The following FHIT variants were observed in gnomAD, a reference collection of about 807,000 sequenced individuals.
FHIT encodes the protein fragile histidine triad diadenosine triphosphatase.
Under a neutral mutation model 17.9 loss-of-function variants are expected in FHIT, and 19 were observed. The observed-to-expected ratio is 1.06, with a 90% confidence interval of 0.74 to 1.56. FHIT has a LOEUF of 1.56. Among genes scored for constraint, FHIT ranks in the 40% most tolerant of loss-of-function variants. The pLI, the probability that FHIT is intolerant of heterozygous loss-of-function variation, is 0.00. For synonymous variants in FHIT, 81 were observed against 69.7 expected, an observed-to-expected ratio of 1.16 and a Z score of -0.81; for missense variants, 248 against 189.2, an observed-to-expected ratio of 1.31 and a Z score of -1.82.
At chr3:60,267,818 C>G (rs925540071) in intron 5 of FHIT, among the ~76,000 whole-genome samples, 1 of 152,108 alleles carries the variant, frequency 6.6e-6, no homozygotes, top group Non-Finnish European at 1.5e-5. Context: ...TACATGAATA[C>G]AAAACTATTT....
At chr3:60,345,512 G>C (rs748786065) in intron 5 of FHIT, among the ~76,000 whole-genome samples, 1 of 152,190 alleles carries the variant, frequency 6.6e-6, no homozygotes, top group East Asian at 1.9e-4. Context: ...AGCTCACAGA[G>C]AATGGATAAA....
chr3:60,151,270 G>A (rs1700450822), intron 5 of FHIT, among the ~76,000 whole-genome samples: 1 of 152,068 alleles, frequency 6.6e-6, no homozygotes, highest in Non-Finnish European at 1.5e-5. Flanking sequence ...CATGTGATAT[G>A]ACTTTATCAT....
intron 5 of FHIT, among the ~76,000 whole-genome samples, chr3:60,326,266 C>A (rs1709688240): frequency 6.6e-6 from 1 of 152,010 alleles, no homozygotes; most frequent in East Asian, 1.9e-4. Flanking sequence ...TACAACTCAC[C>A]ATAATGTAGA....
intron 2 of FHIT, among the ~76,000 whole-genome samples, chr3:61,153,356 A>C (rs2037449067): frequency 1.3e-5 from 2 of 152,206 alleles, no homozygotes; most frequent in Non-Finnish European, 2.9e-5. Flanking sequence ...AGAAACATTA[A>C]AATATGGAAA....
chr3:59,925,871 A>C (rs1705634915), intron 7 of FHIT, among the ~76,000 whole-genome samples: 1 of 152,246 alleles, frequency 6.6e-6, no homozygotes, highest in South Asian at 2.1e-4. Flanking sequence ...GCTGTGAAAA[A>C]ATACCATCAC....
intron 5 of FHIT, among the ~76,000 whole-genome samples, chr3:60,122,370 G>A (rs1053839944): frequency 6.6e-6 from 1 of 152,112 alleles, no homozygotes. Context: ...GGCCCTCAGG[G>A]AACATTTGAG....
intron 3 of FHIT, among the ~76,000 whole-genome samples, chr3:60,891,644 G>A (rs1037594930): frequency 1.3e-5 from 2 of 152,098 alleles, no homozygotes; most frequent in South Asian, 4.2e-4. Flanking sequence ...TTTTCATCTA[G>A]GCTGTTTTGA....
rs1202005745 is a variant in FHIT, at chr3:59,748,744, C to A, written c.*841G>T. On this transcript the variant is annotated 3_prime_UTR_variant, in exon 10 of 10. Transcript: ENST00000492590. ...GAGAATGGCCTTTAGGGTGGGACTGCCTGGATTCAAATCTGAGCTTTGCCA... is the reference window on the plus strand; with the variant it reads ...GAGAATGGCCTTTAGGGTGGGACTGACTGGATTCAAATCTGAGCTTTGCCA... 6.6e-6 allele frequency among the ~76,000 whole-genome samples: 1 copy of A among 151,954 alleles called. No individual in the cohort carries two copies. Among genetic ancestry groups the A allele is most frequent in the Non-Finnish European group, 1.5e-5 (1 of 67,976 alleles).
intron 5 of FHIT, among the ~76,000 whole-genome samples, chr3:60,298,142 G>A (rs1336045987): frequency 6.6e-6 from 1 of 152,046 alleles, no homozygotes; most frequent in African/African-American, 2.4e-5. Flanking sequence ...CACACGTTCT[G>A]TAAGCTGGAA....
chr3:59,817,509 G>A (rs1040318325), intron 8 of FHIT, among the ~76,000 whole-genome samples: 1 of 135,740 alleles, frequency 7.4e-6, no homozygotes, highest in African/African-American at 2.7e-5. Context: ...TGCATAATGA[G>A]TTCTGATCGT....
intron 5 of FHIT, among the ~76,000 whole-genome samples, chr3:60,135,748 G>C (rs367806116): frequency 6.6e-6 from 1 of 152,108 alleles, no homozygotes; most frequent in Middle Eastern, 3.2e-3. Context: ...TACCATGTCT[G>C]AAGCAACTTC....
intron 5 of FHIT, among the ~76,000 whole-genome samples, chr3:60,055,448 C>CTTT (rs4024133): frequency 1.0e-3 from 144 of 143,124 alleles, no homozygotes; most frequent in East Asian, 4.1e-3. Flanking sequence ...GATGGACTTT[C>CTTT]TTTTTTTTTT....
At chr3:60,400,117 T>C (rs1701604370) in intron 5 of FHIT, among the ~76,000 whole-genome samples, 1 of 152,138 alleles carries the variant, frequency 6.6e-6, no homozygotes, top group Non-Finnish European at 1.5e-5. Flanking sequence ...ATTGCTTTAG[T>C]TGGTCTTTGA....
chr3:61,129,513 A>T (rs2036706096), intron 2 of FHIT, among the ~76,000 whole-genome samples: 1 of 152,190 alleles, frequency 6.6e-6, no homozygotes, highest in African/African-American at 2.4e-5. Flanking sequence ...CACTCTGGAG[A>T]TGGAGCCCAG....
intron 2 of FHIT, among the ~76,000 whole-genome samples, chr3:61,194,191 A>G (rs1242307172): frequency 1.3e-5 from 2 of 152,108 alleles, no homozygotes; most frequent in African/African-American, 4.8e-5. Flanking sequence ...TGACTTTTCT[A>G]GGTTTAATGG....
At chr3:60,684,601 T>C (rs1388227224) in intron 4 of FHIT, among the ~76,000 whole-genome samples, 1 of 152,050 alleles carries the variant, frequency 6.6e-6, no homozygotes, top group Non-Finnish European at 1.5e-5. Flanking sequence ...TACTCTGTTC[T>C]CTCCGTGCCA....
At chr3:61,014,247 C>T (rs764999903) in intron 3 of FHIT, among the ~76,000 whole-genome samples, 1 of 152,138 alleles carries the variant, frequency 6.6e-6, no homozygotes, top group Non-Finnish European at 1.5e-5. Context: ...CATGATTCTT[C>T]GGCTATGACT....
chr3:60,009,697 T>C (rs769401455), intron 7 of FHIT, among the ~76,000 whole-genome samples: 8 of 152,332 alleles, frequency 5.3e-5, no homozygotes, highest in Non-Finnish European at 8.8e-5. Context: ...ATTCAGTGGC[T>C]TTATTATATT....
At chr3:60,133,181 G>A (rs1490707447) in intron 5 of FHIT, among the ~76,000 whole-genome samples, 2 of 152,110 alleles carry the variant, frequency 1.3e-5, no homozygotes, top group Non-Finnish European at 2.9e-5. Context: ...ACATGGGCTG[G>A]TGCTGATGAA....
Sources: allele counts gnomAD v4.1 joint callset (sites outside exome capture counted in the v4.1 genomes callset), GRCh38; gene constraint gnomAD v4.1.1; transcripts MANE v1.5; gene names NCBI Gene and HGNC (gene_info 2026-07-23, HGNC 2026-07-21).